ROBO1: variants seen among roughly 807,000 people sequenced by gnomAD.
ROBO1 encodes roundabout guidance receptor 1, also known as roundabout homolog 1.
ROBO1 carries 149 observed loss-of-function variants against 195.9 expected under a neutral mutation model. The ratio of observed to expected loss-of-function variants is 0.76; its 90% CI spans 0.67 to 0.87. The LOEUF is 0.87. Ranked by LOEUF, ROBO1 falls within the 40% of genes least tolerant of loss-of-function variation. ROBO1 has a pLI of 0.00. For missense variants in ROBO1, 1,933 were observed against 2,068.3 expected (o/e 0.93, Z 1.27); for synonymous variants, 816 against 733.2 (o/e 1.11, Z -1.82).
chr3:78,643,179 T>A (rs1706073431), intron 21 of ROBO1, among the ~76,000 whole-genome samples: 1 of 152,164 alleles, frequency 6.6e-6, no homozygotes. Context: ...TAGTAACATT[T>A]TAAGGCTTCC....
At chr3:79,072,307 TGTTA>T (rs1313930779) in intron 3 of ROBO1, among the ~76,000 whole-genome samples, 44 of 151,926 alleles carry the variant, frequency 2.9e-4, no homozygotes, top group Non-Finnish European at 1.0e-4. Context: ...GTGACATACA[TGTTA>T]GTTTGGCACA....
intron 4 of ROBO1, among the ~76,000 whole-genome samples, chr3:78,793,579 T>G (rs971619029): frequency 2.6e-5 from 4 of 152,150 alleles, no homozygotes; most frequent in African/African-American, 7.2e-5. Context: ...ATATGGCAGA[T>G]CAAGGTTCTT....
At position 79,332,513 on chromosome 3, in the gene ROBO1, A is replaced by G. The variant is rs556976750; in HGVS notation, c.89-206974T>C. Among the ~76,000 whole-genome samples, 10 of 152,312 alleles carry G rather than the reference A, an allele frequency of 6.6e-5. No individual in the cohort carries two copies. In the East Asian group the frequency reaches 1.9e-3, roughly 29 times the overall value. ...AGTGAGAGCTCTTCCACTAGAATAC[A>G]TACACACAGTTTGAGGATGTATCTT... On this transcript the variant is annotated intron_variant, in intron 2 of 30. Transcript: ENST00000464233.
At chr3:79,542,398 AT>A (rs1375358794) in intron 2 of ROBO1, among the ~76,000 whole-genome samples, 1 of 152,104 alleles carries the variant, frequency 6.6e-6, no homozygotes, top group African/African-American at 2.4e-5. Context: ...AAGAAAAAGT[AT>A]AATTGTCACT....
At chr3:78,785,002 A>G (rs1307682256) in intron 4 of ROBO1, among the ~76,000 whole-genome samples, 1 of 152,208 alleles carries the variant, frequency 6.6e-6, no homozygotes, top group Non-Finnish European at 1.5e-5. Flanking sequence ...AAGTACATCC[A>G]GCATATTGTG....
At chr3:78,918,352 G>GTGC (rs1235368509) in intron 4 of ROBO1, among the ~76,000 whole-genome samples, 1 of 152,080 alleles carries the variant, frequency 6.6e-6, no homozygotes, top group African/African-American at 2.4e-5. Flanking sequence ...AACACCCAGA[G>GTGC]TGCTCACAGG....
In ROBO1 at chr3:79,296,775, A is replaced by G. The variant is rs148973109; in HGVS notation, c.89-171236T>C. Among the ~76,000 whole-genome samples, 19 of 152,324 alleles carry G rather than the reference A, an allele frequency of 1.2e-4. 1 individual carries two copies. In the East Asian group the frequency reaches 2.3e-3, roughly 19 times the overall value. On this transcript the variant is annotated intron_variant, in intron 2 of 30. Coordinates refer to ENST00000464233, the MANE Select transcript of ROBO1 (RefSeq NM_002941.4). ...TTTTAAAAGAACTCAGAAACCCGTG[A>G]TAAGTGCAGAAATTATTGACTTCTA...
At chr3:79,693,386 TGTGTGTGTGTGTG>T (rs1947351838) in intron 1 of ROBO1, among the ~76,000 whole-genome samples, 2 of 5,084 alleles carry the variant, frequency 3.9e-4, no homozygotes, top group Admixed American at 5.9e-3. Context: ...TAGAGATTTG[TGTGTGTGTGTGTG>T]TGTGTGTGTG....
intron 1 of ROBO1, among the ~76,000 whole-genome samples, chr3:79,629,393 T>C (rs901511985): frequency 2.0e-5 from 3 of 152,116 alleles, no homozygotes; most frequent in African/African-American, 7.2e-5. Context: ...AACTTGCTCC[T>C]AAATGATTTT....
chr3:79,395,647 C>T (rs754328098), intron 2 of ROBO1, among the ~76,000 whole-genome samples: 17 of 152,096 alleles, frequency 1.1e-4, no homozygotes, highest in Admixed American at 3.3e-4. Context: ...TTGTATCCTA[C>T]GGATACACAT....
chr3:79,391,317 A>G (rs575774781), intron 2 of ROBO1, among the ~76,000 whole-genome samples: 3 of 152,040 alleles, frequency 2.0e-5, no homozygotes, highest in Non-Finnish European at 4.4e-5. Context: ...ACAAAACCAT[A>G]AACGAAAACA....
At chr3:79,004,145 C>CT (rs2077568720) in intron 3 of ROBO1, among the ~76,000 whole-genome samples, 1 of 152,224 alleles carries the variant, frequency 6.6e-6, no homozygotes, top group Admixed American at 6.5e-5. Flanking sequence ...TTATAAATTA[C>CT]TTCTGAATTT....
intron 3 of ROBO1, chr3:79,019,408 T>G: frequency 3.0e-6 from 3 of 985,962 alleles, no homozygotes; most frequent in Non-Finnish European, 2.4e-6. Context: ...TCCTCCCGGA[T>G]CAGCGGCGTC....
At chr3:78,713,527 T>C (rs948324065) in intron 8 of ROBO1, among the ~76,000 whole-genome samples, 3 of 152,030 alleles carry the variant, frequency 2.0e-5, no homozygotes, top group Admixed American at 6.5e-5. Flanking sequence ...TTAAAGGTCA[T>C]TGCCTCTGAA....
intron 2 of ROBO1, among the ~76,000 whole-genome samples, chr3:79,187,275 T>C (rs2081457617): frequency 6.6e-6 from 1 of 152,008 alleles, no homozygotes; most frequent in Non-Finnish European, 1.5e-5. Flanking sequence ...CAGATGACCA[T>C]CTGGAAGAGA....
At position 78,954,866 on chromosome 3, in the gene ROBO1, A is replaced by C. The variant is rs560513569; in HGVS notation, c.173-15939T>G. Among the ~76,000 whole-genome samples, 23 of 152,246 alleles carry C rather than the reference A, an allele frequency of 1.5e-4. No individual in the cohort carries two copies. In the South Asian group the frequency reaches 4.8e-3, roughly 32 times the overall value. The stretch of plus-strand genomic sequence containing the variant: ...ATAACTTATAAAATAAACCTTGCTT[A>C]ACAAAACTACTTTGTTCTCAATTTA... On this transcript the variant is annotated intron_variant, in intron 3 of 30. Transcript: ENST00000464233.
chr3:78,718,026 AT>A, intron 5 of ROBO1, 143 bp from the exon 6 acceptor site: 1 of 760,942 alleles, frequency 1.3e-6, no homozygotes, highest in Non-Finnish European at 2.1e-6. Context: ...AGTATTTGCT[AT>A]TTTTAGGTAG....
At chr3:78,763,130 A>G (rs2083147199) in intron 4 of ROBO1, among the ~76,000 whole-genome samples, 1 of 152,192 alleles carries the variant, frequency 6.6e-6, no homozygotes, top group Non-Finnish European at 1.5e-5. Flanking sequence ...TAACAGGGAT[A>G]AGATACAGCT....
intron 1 of ROBO1, among the ~76,000 whole-genome samples, chr3:79,735,013 A>C (rs147511056): frequency 7.8e-4 from 119 of 152,310 alleles, no homozygotes; most frequent in African/African-American, 2.8e-3. Context: ...TCTTGCATTA[A>C]AATCCATTTT....
Sources: gnomAD v4.1 joint callset for allele counts (sites outside exome capture counted in the v4.1 genomes callset) on GRCh38, gnomAD v4.1.1 for gene constraint, MANE v1.5 for transcripts, NCBI Gene and HGNC (gene_info 2026-07-23, HGNC 2026-07-21) for gene names.